The following RASA1 variants were observed in gnomAD, a reference collection of about 807,000 sequenced individuals.
The protein encoded by RASA1 is ras GTPase-activating protein 1.
A neutral mutation model predicts 132.2 loss-of-function variants in RASA1; 25 were observed. The ratio of observed to expected loss-of-function variants is 0.19; its 90% CI spans 0.14 to 0.26. The LOEUF is 0.26. RASA1 is among the 10% of genes least tolerant of loss of function. RASA1 has a pLI of 1.00. For missense variants in RASA1, 964 were observed against 1,299.2 expected (o/e 0.74, Z 3.97); for synonymous variants, 477 against 449.9 (o/e 1.06, Z -0.76).
intron 20 of RASA1, 106 bp downstream of exon 20, chr5:87,380,701 A>G (rs1311188628): frequency 9.5e-7 from 1 of 1,055,752 alleles, no homozygotes; most frequent in Admixed American, 1.8e-5. Flanking sequence ...TTTGGCTTTT[A>G]TGTCAAAGCC....
intron 1 of RASA1, among the ~76,000 whole-genome samples, chr5:87,275,791 G>C (rs1291056530): frequency 1.3e-5 from 2 of 152,028 alleles, no homozygotes; most frequent in African/African-American, 2.4e-5. Flanking sequence ...GGCTGGTCTC[G>C]AACTCCTGAC....
intron 1 of RASA1, among the ~76,000 whole-genome samples, chr5:87,279,759 AG>A (rs1754230278): frequency 6.6e-6 from 1 of 152,040 alleles, no homozygotes; most frequent in South Asian, 2.1e-4. Flanking sequence ...TATATTAGTC[AG>A]GGTTCTCCAG....
At chr5:87,274,943 A>G (rs1247259807) in intron 1 of RASA1, among the ~76,000 whole-genome samples, 1 of 152,216 alleles carries the variant, frequency 6.6e-6, no homozygotes, top group Admixed American at 6.5e-5. Context: ...AGGGAAGTTG[A>G]CGGTGATGTC....
intron 20 of RASA1, among the ~76,000 whole-genome samples, chr5:87,381,975 A>G (rs536200482): frequency 6.6e-6 from 1 of 152,250 alleles, no homozygotes; most frequent in Non-Finnish European, 1.5e-5. Context: ...TTTTTGAGAC[A>G]GGGTCTTGCT....
At chr5:87,269,040 A>T in intron 1 of RASA1, 50 bp downstream of exon 1, 1 of 1,614,190 alleles carries the variant, frequency 6.2e-7, no homozygotes, top group Non-Finnish European at 8.5e-7. Flanking sequence ...TCCAGAAAAG[A>T]AGTGGAAATG....
At chr5:87,353,762 G>A (rs1416963011) in intron 9 of RASA1, among the ~76,000 whole-genome samples, 3 of 152,006 alleles carry the variant, frequency 2.0e-5, no homozygotes, top group Admixed American at 2.0e-4. Context: ...TTACAGACAG[G>A]GTCCTAGACA....
intron 3 of RASA1, among the ~76,000 whole-genome samples, chr5:87,333,010 A>C (rs959195259): frequency 1.3e-5 from 2 of 152,140 alleles, no homozygotes; most frequent in African/African-American, 4.8e-5. Context: ...TTCATGTAGT[A>C]TATTTAAAAT....
At chr5:87,338,536 A>ATATATTTTTTTTTTT in intron 5 of RASA1, among the ~76,000 whole-genome samples, 8 of 85,212 alleles carry the variant, frequency 9.4e-5, no homozygotes, top group African/African-American at 3.5e-4. Flanking sequence ...TATATATAAA[A>ATATATTTTTTTTTTT]TTTTTTTTTT....
intron 1 of RASA1, among the ~76,000 whole-genome samples, chr5:87,323,575 C>G (rs1756988514): frequency 6.6e-6 from 1 of 152,130 alleles, no homozygotes; most frequent in Non-Finnish European, 1.5e-5. Context: ...GGTAGTATGT[C>G]TGTATTCAGC....
At chr5:87,285,171 G>A (rs1018658497) in intron 1 of RASA1, among the ~76,000 whole-genome samples, 1 of 151,514 alleles carries the variant, frequency 6.6e-6, no homozygotes. Flanking sequence ...GGGTTCAAGC[G>A]ATTCTTCTGC....
intron 1 of RASA1, among the ~76,000 whole-genome samples, chr5:87,275,728 G>A (rs754610888): frequency 6.6e-4 from 100 of 152,170 alleles, no homozygotes; most frequent in Non-Finnish European, 1.1e-3. Flanking sequence ...GTGCCACCAC[G>A]TCCAGCTAAT....
intron 13 of RASA1, among the ~76,000 whole-genome samples, chr5:87,373,778 A>G (rs1000424382): frequency 1.3e-5 from 2 of 152,198 alleles, no homozygotes; most frequent in South Asian, 4.1e-4. Flanking sequence ...TAAGTATTAT[A>G]TAACATACGG....
At position 87,390,809 on chromosome 5, in the gene RASA1, A is replaced by G. The variant is rs1281065494; in HGVS notation, c.3070A>G (p.Lys1024Glu). 6.2e-7 allele frequency: 1 copy of G among 1,612,356 alleles called. No homozygotes were observed. ...NERGAQQHVL[K>E]KLLAITELLQ... ...TTTTTCCTCTGTCTAGCACGTATTGAAAAAGCTTCTGGCTATAACAGAACT... is the reference window on the plus strand; with the variant it reads ...TTTTTCCTCTGTCTAGCACGTATTGGAAAAGCTTCTGGCTATAACAGAACT... Residue 1024 changes from lysine to glutamate, a missense_variant, in exon 25 of 25, where the codon AAA becomes GAA. Lys to Glu is a moderately conservative substitution (Grantham distance 56, BLOSUM62 1). Transcript: ENST00000274376.
chr5:87,280,437 C>A (rs987956815), intron 1 of RASA1, among the ~76,000 whole-genome samples: 1 of 152,182 alleles, frequency 6.6e-6, no homozygotes, highest in African/African-American at 2.4e-5. Context: ...CTCAGCCTCC[C>A]AAGTAGCTAG....
At chr5:87,324,788 G>T (rs1757101710) in intron 1 of RASA1, among the ~76,000 whole-genome samples, 2 of 151,932 alleles carry the variant, frequency 1.3e-5, no homozygotes, top group African/African-American at 4.8e-5. Flanking sequence ...GGGTACTACA[G>T]CTGTTTTGCT....
intron 1 of RASA1, among the ~76,000 whole-genome samples, chr5:87,302,136 G>A (rs1306972163): frequency 6.6e-6 from 1 of 152,082 alleles, no homozygotes; most frequent in East Asian, 1.9e-4. Context: ...CAAAGTGTTT[G>A]TACCCATTTA....
chr5:87,302,800 C>T (rs1404921833), intron 1 of RASA1, among the ~76,000 whole-genome samples: 1 of 151,770 alleles, frequency 6.6e-6, no homozygotes, highest in East Asian at 1.9e-4. Flanking sequence ...TAACTTCTCA[C>T]ATCCCAGATT....
intron 11 of RASA1, among the ~76,000 whole-genome samples, chr5:87,365,408 C>T (rs1760438777): frequency 6.6e-6 from 1 of 152,094 alleles, no homozygotes; most frequent in Non-Finnish European, 1.5e-5. Context: ...CTTGTTCAAT[C>T]ATCCAGGTAC....
chr5:87,376,405 G>T lies in RASA1; in HGVS notation c.2024G>T (p.Cys675Phe). 3 of 1,613,872 alleles carry T rather than the reference G, an allele frequency of 1.9e-6. No individual in the cohort carries two copies. The South Asian group carries it at 3.3e-5, about 18-fold the overall frequency. Residue 675 changes from cysteine (C) to phenylalanine (F), a missense_variant, in exon 16 of 25, where the codon TGC (cysteine) becomes TTC (phenylalanine). Cys to Phe is a radical substitution (Grantham distance 205). Around this residue, in one of 6 missense-constraint regions of RASA1, gnomAD observed 346 missense variants for 520.1 expected, o/e 0.67. Coordinates refer to ENST00000274376, the MANE Select transcript of RASA1 (RefSeq NM_002890.3). ...TTTTCTTCCCAAGTATTTATGCGCTGCCAGTTGAGCCGATTACAGAAAGGG... is the reference window on the plus strand; with the variant it reads ...TTTTCTTCCCAAGTATTTATGCGCTTCCAGTTGAGCCGATTACAGAAAGGG... ...SKDPDILFMR[C>F]QLSRLQKGHA...
Sources: gnomAD v4.1 joint callset for allele counts (sites outside exome capture counted in the v4.1 genomes callset) on GRCh38, gnomAD v4.1.1 for gene constraint, gnomAD v4.1.1 regional missense constraint, MANE v1.5 for transcripts, NCBI Gene and HGNC (gene_info 2026-07-23, HGNC 2026-07-21) for gene names.